The following DNMBP variants were observed in gnomAD, a reference collection of about 807,000 sequenced individuals.
DNMBP encodes the protein dynamin-binding protein.
A neutral mutation model predicts 150.0 loss-of-function variants in DNMBP; 87 were observed. The observed-to-expected ratio is 0.58, with a 90% confidence interval of 0.49 to 0.69. The LOEUF (loss-of-function observed/expected upper bound fraction) is 0.69, where lower values mean the gene tolerates loss of function less well. Ranked by LOEUF, DNMBP falls within the 30% of genes least tolerant of loss-of-function variation. DNMBP has a pLI of 0.00. For missense variants in DNMBP, 1,774 were observed against 1,949.0 expected, an observed-to-expected ratio of 0.91 and a Z score of 1.69; for synonymous variants, 711 against 750.4, an observed-to-expected ratio of 0.95 and a Z score of 0.86.
At position 99,968,704 on chromosome 10, in the gene DNMBP, A is replaced by AG. The variant is rs1322976711; in HGVS notation, c.268+410_268+411insC. ...CTACTGTCTCAAAAAAAAAAAAAAA[A>AG]AGAGAGAGAGAGCATGAGCCTGAAG... On this transcript the variant is annotated intron_variant, in intron 3 of 16. Transcript: ENST00000324109. Among the ~76,000 whole-genome samples the AG allele has an allele frequency of 1.0e-4, 15 of 149,490 alleles. No individual in the cohort carries two copies. The South Asian group carries it at 2.5e-3, about 25-fold the overall frequency.
intron 4 of DNMBP, among the ~76,000 whole-genome samples, chr10:99,947,055 T>TA (rs1459011969): frequency 6.6e-6 from 1 of 151,862 alleles, no homozygotes; most frequent in East Asian, 1.9e-4. Flanking sequence ...GGTATTAAAG[T>TA]AAAAAAATAA....
chr10:99,899,106 G>A (rs1275084644), intron 7 of DNMBP, among the ~76,000 whole-genome samples: 4 of 152,024 alleles, frequency 2.6e-5, no homozygotes, highest in Non-Finnish European at 5.9e-5. Flanking sequence ...GCAGGGGATC[G>A]CTTGAACCCG....
intron 4 of DNMBP, among the ~76,000 whole-genome samples, chr10:99,938,793 G>C (rs1272122682): frequency 6.6e-6 from 1 of 152,214 alleles, no homozygotes; most frequent in Non-Finnish European, 1.5e-5. Flanking sequence ...CGAGGAAAGA[G>C]GGAGGATGAC....
chr10:99,966,231 T>C (rs1234817075), intron 3 of DNMBP, among the ~76,000 whole-genome samples: 1 of 152,136 alleles, frequency 6.6e-6, no homozygotes, highest in Non-Finnish European at 1.5e-5. Context: ...GTGTGTTTAC[T>C]GGCAGTAGAT....
At chr10:99,959,733 T>C (rs530003640) in intron 3 of DNMBP, among the ~76,000 whole-genome samples, 106 of 151,644 alleles carry the variant, frequency 7.0e-4, no homozygotes, top group Non-Finnish European at 1.3e-3. Flanking sequence ...GTGAGCGCTA[T>C]AGTCCCAGCT....
In DNMBP at chr10:99,957,062, C is replaced by T. The variant is rs530209398; in HGVS notation, c.412G>A (p.Ala138Thr). ...SQSRQWHSQS[A>T]LFQIPEYSMG... ...GAATATTCCGGAATCTGAAACAGGG[C>T]GCTCTGGGAGTGCCACTGCCGGCTC... Residue 138 changes from alanine to threonine, a missense_variant, in exon 4 of 17, where the codon GCC (alanine) becomes ACC (threonine). Physicochemically the swap from Ala to Thr is moderately conservative, Grantham distance 58. This residue lies in a region of DNMBP where 344 missense variants were observed against 456.6 expected (regional missense o/e 0.75). Transcript: ENST00000324109. 9 of 1,614,068 alleles carry T rather than the reference C, an allele frequency of 5.6e-6. No individual in the cohort carries two copies. Among genetic ancestry groups the T allele is most frequent in the East Asian group, 2.2e-5 (1 of 44,884 alleles).
chr10:99,965,276 C>A (rs182179628), intron 3 of DNMBP, among the ~76,000 whole-genome samples: 49 of 152,240 alleles, frequency 3.2e-4, no homozygotes, highest in African/African-American at 1.1e-3. Flanking sequence ...AGTCCAAGGT[C>A]ACAGCTATTA....
At chr10:100,001,413 G>GT (rs531398004) in intron 1 of DNMBP, among the ~76,000 whole-genome samples, 18,519 of 110,924 alleles carry the variant, frequency 0.17, 2,551 homozygotes, top group East Asian at 0.41. Context: ...TGTTGTTGTT[G>GT]TTTTTTTTTT....
At chr10:99,940,130 A>C (rs1321578306) in intron 4 of DNMBP, among the ~76,000 whole-genome samples, 1 of 152,188 alleles carries the variant, frequency 6.6e-6, no homozygotes, top group African/African-American at 2.4e-5. Context: ...GGCAGGAAGA[A>C]CCCATTGGGT....
intron 4 of DNMBP, among the ~76,000 whole-genome samples, chr10:99,944,785 A>G (rs145048964): frequency 1.5e-4 from 23 of 152,334 alleles, no homozygotes; most frequent in African/African-American, 5.3e-4. Flanking sequence ...TGATAATTCC[A>G]AATTTAAAAC....
At chr10:99,921,864 G>GAAAAA (rs34344466) in intron 4 of DNMBP, among the ~76,000 whole-genome samples, 1 of 23,752 alleles carries the variant, frequency 4.2e-5, no homozygotes, top group Non-Finnish European at 7.3e-5. Flanking sequence ...GATTCCATCT[G>GAAAAA]AAAAAAAAAA....
intron 2 of DNMBP, among the ~76,000 whole-genome samples, chr10:99,969,951 C>T (rs2040657930): frequency 6.6e-6 from 1 of 152,136 alleles, no homozygotes; most frequent in African/African-American, 2.4e-5. Flanking sequence ...TGATCATGTT[C>T]AAAGCACTTT....
At chr10:99,966,743 C>G (rs1232283573) in intron 3 of DNMBP, among the ~76,000 whole-genome samples, 2 of 151,976 alleles carry the variant, frequency 1.3e-5, no homozygotes, top group African/African-American at 4.8e-5. Context: ...AAGAAACTCT[C>G]AAAACAACAG....
intron 4 of DNMBP, among the ~76,000 whole-genome samples, chr10:99,954,062 T>G (rs2040454251): frequency 6.6e-6 from 1 of 151,886 alleles, no homozygotes; most frequent in South Asian, 2.1e-4. Flanking sequence ...AGACAGGGTC[T>G]CACTCTGTTG....
chr10:99,926,157 G>A (rs1438007090), intron 4 of DNMBP, among the ~76,000 whole-genome samples: 1 of 152,200 alleles, frequency 6.6e-6, no homozygotes, highest in Non-Finnish European at 1.5e-5. Flanking sequence ...AACCATGTAT[G>A]TTATTAGCAA....
chr10:99,909,649 A>T (rs890360483), intron 4 of DNMBP, among the ~76,000 whole-genome samples: 3 of 152,170 alleles, frequency 2.0e-5, no homozygotes, highest in African/African-American at 7.2e-5. Context: ...TAATTATAGG[A>T]CCTATCATTT....
chr10:99,896,235 A>G, intron 10 of DNMBP, 32 bp downstream of exon 10: 1 of 1,609,330 alleles, frequency 6.2e-7, no homozygotes. Context: ...GCTGTCAAAG[A>G]TGCGCTAAGC....
intron 4 of DNMBP, among the ~76,000 whole-genome samples, chr10:99,923,666 C>A (rs181832693): frequency 6.6e-6 from 1 of 152,146 alleles, no homozygotes; most frequent in Admixed American, 6.5e-5. Flanking sequence ...TTTCAGTACT[C>A]TAGTTCTTTC....
At chr10:100,000,469 G>A (rs1350497608) in intron 1 of DNMBP, among the ~76,000 whole-genome samples, 5 of 152,050 alleles carry the variant, frequency 3.3e-5, no homozygotes, top group African/African-American at 7.2e-5. Flanking sequence ...TGCTACTTTC[G>A]GGAAAATGCA....
Sources: gnomAD v4.1 joint callset for allele counts (sites outside exome capture counted in the v4.1 genomes callset) on GRCh38, gnomAD v4.1.1 for gene constraint, gnomAD v4.1.1 regional missense constraint, MANE v1.5 for transcripts, NCBI Gene and HGNC (gene_info 2026-07-23, HGNC 2026-07-21) for gene names.